The following WDR70 variants were observed in gnomAD, a reference collection of about 807,000 sequenced individuals.
The protein encoded by WDR70 is WD repeat domain 70, also known as WD repeat-containing protein 70.
In WDR70, 53 loss-of-function variants were observed where a neutral mutation model predicts 88.6. The observed-to-expected ratio is 0.60, with a 90% CI of 0.48 to 0.75. The LOEUF is 0.75. WDR70 is among the 30% of genes least tolerant of loss of function. The pLI, the probability that WDR70 is intolerant of heterozygous loss-of-function variation, is 0.00. For synonymous variants in WDR70, 280 were observed against 270.0 expected, an observed-to-expected ratio of 1.04 and a Z score of -0.36; for missense variants, 610 against 823.2, an observed-to-expected ratio of 0.74 and a Z score of 3.17.
rs1436226202 is a variant in WDR70 at position 37,726,875 on chromosome 5, TGCAA to T, written c.1715-7_1715-4del. The T allele has an allele frequency of 6.3e-7, 1 of 1,574,932 alleles. No homozygotes were observed. Among genetic ancestry groups the T allele is most frequent in the Non-Finnish European group, 8.6e-7 (1 of 1,165,254 alleles). ...GTTTCTAATTTGGTTTTTTTTCTTT[TGCAA>T]TAGGTCGTGGTGGCCGAGTTGGAAC... is the stretch of plus-strand genomic sequence containing the variant. On this transcript the variant is annotated splice_region_variant and splice_polypyrimidine_tract_variant and intron_variant, in intron 16 of 17. Transcript: ENST00000265107.
chr5:37,660,415 C>T (rs1745670150), intron 10 of WDR70, among the ~76,000 whole-genome samples: 2 of 150,036 alleles, frequency 1.3e-5, no homozygotes, highest in Admixed American at 1.3e-4. Flanking sequence ...ATTGAAATCT[C>T]ATCTATAGTT....
chr5:37,382,201 C>T (rs187293022), intron 3 of WDR70, among the ~76,000 whole-genome samples: 2,040 of 151,396 alleles, frequency 0.013, 42 homozygotes, highest in African/African-American at 0.047. Context: ...CCGGTTCAAG[C>T]GATTCTCCTG....
chr5:37,555,325 A>G (rs1742266335), intron 9 of WDR70, among the ~76,000 whole-genome samples: 1 of 152,206 alleles, frequency 6.6e-6, no homozygotes, highest in African/African-American at 2.4e-5. Context: ...CCCACTTCCA[A>G]CACAACATTC....
intron 9 of WDR70, among the ~76,000 whole-genome samples, chr5:37,528,730 A>G (rs1741386467): frequency 6.6e-6 from 1 of 152,160 alleles, no homozygotes; most frequent in Admixed American, 6.6e-5. Flanking sequence ...TATCGGATGC[A>G]GAGATTATAA....
chr5:37,447,604 G>A (rs1339901299), intron 7 of WDR70, among the ~76,000 whole-genome samples: 1 of 152,156 alleles, frequency 6.6e-6, no homozygotes, highest in Non-Finnish European at 1.5e-5. Flanking sequence ...ATACTATGCA[G>A]CCATAAAAAA....
At chr5:37,446,206 G>T (rs912708339) in intron 7 of WDR70, among the ~76,000 whole-genome samples, 1 of 152,096 alleles carries the variant, frequency 6.6e-6, no homozygotes, top group Non-Finnish European at 1.5e-5. Context: ...CAAAGAGAAT[G>T]AAATACCTAG....
intron 9 of WDR70, among the ~76,000 whole-genome samples, chr5:37,603,531 C>T (rs1012096940): frequency 5.9e-5 from 9 of 152,174 alleles, no homozygotes; most frequent in South Asian, 2.1e-4. Context: ...AAAAAACCTT[C>T]CTGACATTCG....
chr5:37,502,494 A>G (rs1427474295), intron 8 of WDR70, among the ~76,000 whole-genome samples: 1 of 152,128 alleles, frequency 6.6e-6, no homozygotes, highest in Non-Finnish European at 1.5e-5. Context: ...TTTATCATAA[A>G]GGGATGCTGT....
intron 17 of WDR70, among the ~76,000 whole-genome samples, chr5:37,747,452 C>A (rs563923324): frequency 1.3e-5 from 2 of 152,110 alleles, no homozygotes; most frequent in Admixed American, 1.3e-4. Flanking sequence ...ATTCAACACC[C>A]CTTCATTTTA....
intron 10 of WDR70, among the ~76,000 whole-genome samples, chr5:37,681,802 T>G (rs1296090493): frequency 2.6e-5 from 4 of 152,194 alleles, no homozygotes; most frequent in Non-Finnish European, 5.9e-5. Context: ...TGGATAAGCT[T>G]TTTGATATAC....
At chr5:37,478,555 G>C (rs913193556) in intron 7 of WDR70, among the ~76,000 whole-genome samples, 1 of 152,268 alleles carries the variant, frequency 6.6e-6, no homozygotes, top group African/African-American at 2.4e-5. Context: ...ATCCCTGTGA[G>C]AGAGGGTACA....
intron 10 of WDR70, among the ~76,000 whole-genome samples, chr5:37,626,115 A>G (rs1581446111): frequency 6.6e-6 from 1 of 150,888 alleles, no homozygotes; most frequent in South Asian, 2.1e-4. Context: ...TGCCTTTTAT[A>G]TATCTGTTGC....
chr5:37,502,454 A>C (rs1482077202), intron 8 of WDR70, among the ~76,000 whole-genome samples: 6 of 152,000 alleles, frequency 3.9e-5, no homozygotes, highest in Non-Finnish European at 8.8e-5. Context: ...TTTGAAGTAT[A>C]TTCCTTCTGT....
intron 5 of WDR70, among the ~76,000 whole-genome samples, chr5:37,403,882 A>G (rs957533517): frequency 6.6e-6 from 1 of 152,170 alleles, no homozygotes; most frequent in African/African-American, 2.4e-5. Context: ...AACTAGGACT[A>G]CAGGTGCATA....
chr5:37,653,554 G>C (rs192023212), intron 10 of WDR70, among the ~76,000 whole-genome samples: 1 of 152,162 alleles, frequency 6.6e-6, no homozygotes, highest in Non-Finnish European at 1.5e-5. Flanking sequence ...ATTCTGCTGT[G>C]AATCCATCTG....
chr5:37,599,078 T>C (rs1743786919), intron 9 of WDR70, among the ~76,000 whole-genome samples: 1 of 152,256 alleles, frequency 6.6e-6, no homozygotes, highest in African/African-American at 2.4e-5. Context: ...TTAATTTTTC[T>C]TGAAGGACTA....
chr5:37,412,823 G>A (rs112131408), intron 5 of WDR70, among the ~76,000 whole-genome samples: 50 of 152,228 alleles, frequency 3.3e-4, no homozygotes, highest in Admixed American at 5.9e-4. Context: ...AATTCAAAGC[G>A]GGAGAAAACT....
intron 10 of WDR70, among the ~76,000 whole-genome samples, chr5:37,621,739 C>A (rs1465228918): frequency 1.3e-5 from 2 of 152,118 alleles, no homozygotes; most frequent in African/African-American, 2.4e-5. Context: ...TAATTTAGAT[C>A]CCATTTGTCA....
intron 9 of WDR70, among the ~76,000 whole-genome samples, chr5:37,528,831 A>G (rs1049549031): frequency 2.9e-5 from 4 of 139,896 alleles, no homozygotes; most frequent in Non-Finnish European, 4.7e-5. Context: ...AGTCCCATTT[A>G]TTTATCTTTG....
Sources: gnomAD v4.1 joint callset for allele counts (sites outside exome capture counted in the v4.1 genomes callset) on GRCh38, gnomAD v4.1.1 for gene constraint, MANE v1.5 for transcripts, NCBI Gene and HGNC (gene_info 2026-07-23, HGNC 2026-07-21) for gene names.